INSIG2: variants seen among roughly 807,000 people sequenced by gnomAD.
INSIG2 encodes insulin-induced gene 2 protein.
INSIG2 carries 10 observed loss-of-function variants against 27.2 expected under a neutral mutation model. The observed-to-expected ratio is 0.37, with a 90% CI of 0.23 to 0.62. The LOEUF is 0.62. Among genes scored for constraint, INSIG2 ranks in the 20% least tolerant of loss-of-function variants. The pLI, the probability that INSIG2 is intolerant of heterozygous loss-of-function variation, is 0.65. For synonymous variants in INSIG2, 97 were observed against 95.8 expected, an observed-to-expected ratio of 1.01 and a Z score of -0.07; for missense variants, 178 against 270.2, an observed-to-expected ratio of 0.66 and a Z score of 2.39.
At chr2:118,090,729 T>A (rs747737578) in intron 1 of INSIG2, among the ~76,000 whole-genome samples, 10 of 152,178 alleles carry the variant, frequency 6.6e-5, no homozygotes, top group Non-Finnish European at 1.3e-4. Context: ...TTAAAAACGG[T>A]TTCTTGTGTG....
intron 3 of INSIG2, among the ~76,000 whole-genome samples, chr2:118,104,258 C>A (rs1678619943): frequency 6.6e-6 from 1 of 152,118 alleles, no homozygotes; most frequent in Non-Finnish European, 1.5e-5. Context: ...GAGGGTGGGT[C>A]ATGTGTCAAG....
At chr2:118,107,557 A>C (rs530737713) in intron 5 of INSIG2, among the ~76,000 whole-genome samples, 1 of 152,330 alleles carries the variant, frequency 6.6e-6, no homozygotes, top group Admixed American at 6.5e-5. Flanking sequence ...CATTAGGACC[A>C]CCTCTAACAA....
intron 3 of INSIG2, among the ~76,000 whole-genome samples, chr2:118,103,733 TAAAG>T (rs1033517819): frequency 1.2e-4 from 19 of 152,276 alleles, no homozygotes; most frequent in African/African-American, 4.6e-4. Flanking sequence ...TTTCTTAACT[TAAAG>T]AAGCTTTTTT....
intron 5 of INSIG2, among the ~76,000 whole-genome samples, chr2:118,108,058 C>T (rs544335020): frequency 4.6e-5 from 7 of 152,236 alleles, no homozygotes; most frequent in African/African-American, 1.7e-4. Context: ...TCATCTTTCT[C>T]TTGCTTTTGG....
chr2:118,090,255 C>G (rs1036462318), intron 1 of INSIG2, among the ~76,000 whole-genome samples: 1 of 152,154 alleles, frequency 6.6e-6, no homozygotes, highest in African/African-American at 2.4e-5. Flanking sequence ...AGTAAAAATA[C>G]TTCTTTTACG....
chr2:118,092,363 T>C (rs1295013428), intron 1 of INSIG2, among the ~76,000 whole-genome samples: 1 of 152,212 alleles, frequency 6.6e-6, no homozygotes, highest in Non-Finnish European at 1.5e-5. Flanking sequence ...TCTAGTACTA[T>C]TAAAGAAAAT....
intron 1 of INSIG2, among the ~76,000 whole-genome samples, chr2:118,089,734 AAG>A (rs138249452): frequency 0.018 from 2,677 of 152,320 alleles, 75 homozygotes; most frequent in African/African-American, 0.058. Context: ...CCACTCGGGA[AAG>A]AGGTTGATTC....
At chr2:118,090,133 G>C (rs1678190438) in intron 1 of INSIG2, among the ~76,000 whole-genome samples, 1 of 152,130 alleles carries the variant, frequency 6.6e-6, no homozygotes, top group Non-Finnish European at 1.5e-5. Flanking sequence ...TTTCAAGAAT[G>C]CTATTCTAAT....
At chr2:118,106,659 C>T in intron 3 of INSIG2, 78 bp from the exon 4 acceptor site, 1 of 1,122,700 alleles carries the variant, frequency 8.9e-7, no homozygotes, top group Non-Finnish European at 1.3e-6. Flanking sequence ...TCAACAGAGG[C>T]ATCTCTTATT....
At chr2:118,096,175 A>C (rs1678399517) in intron 1 of INSIG2, among the ~76,000 whole-genome samples, 1 of 152,158 alleles carries the variant, frequency 6.6e-6, no homozygotes, top group South Asian at 2.1e-4. Context: ...CAGGTCTCTT[A>C]GGTCATGTTT....
intron 2 of INSIG2, among the ~76,000 whole-genome samples, chr2:118,099,454 T>C (rs1053431707): frequency 3.9e-5 from 6 of 152,238 alleles, no homozygotes; most frequent in Non-Finnish European, 7.3e-5. Context: ...TGATGACTTT[T>C]TTTTCTTAAT....
intron 3 of INSIG2, among the ~76,000 whole-genome samples, chr2:118,104,140 G>A (rs1382913837): frequency 6.6e-6 from 1 of 152,122 alleles, no homozygotes; most frequent in Non-Finnish European, 1.5e-5. Flanking sequence ...AAGGTGGCAG[G>A]AGCCTTGGGT....
At chr2:118,100,606 C>G (rs1310391780) in intron 2 of INSIG2, among the ~76,000 whole-genome samples, 8 of 152,026 alleles carry the variant, frequency 5.3e-5, no homozygotes, top group African/African-American at 1.9e-4. Flanking sequence ...TCTCAAACTC[C>G]TGACCTCGCG....
chr2:118,103,024 CT>C (rs1678584406), intron 2 of INSIG2, among the ~76,000 whole-genome samples, 172 bp from the exon 3 acceptor site: 1 of 149,110 alleles, frequency 6.7e-6, no homozygotes, highest in Non-Finnish European at 1.5e-5. Context: ...ATTTCATTTC[CT>C]TTGGAAGGTA....
intron 1 of INSIG2, among the ~76,000 whole-genome samples, chr2:118,090,569 T>C (rs1259004854): frequency 6.6e-6 from 1 of 152,238 alleles, no homozygotes; most frequent in Non-Finnish European, 1.5e-5. Context: ...GCAAATTATT[T>C]CAACTTTTTT....
chr2:118,105,295 T>A, intron 3 of INSIG2, among the ~76,000 whole-genome samples: 1 of 152,130 alleles, frequency 6.6e-6, no homozygotes, highest in Non-Finnish European at 1.5e-5. Flanking sequence ...CCCACCTCGG[T>A]CTCTCAAAGT....
chr2:118,098,977 A>G (rs1388125845), intron 2 of INSIG2, among the ~76,000 whole-genome samples: 1 of 152,216 alleles, frequency 6.6e-6, no homozygotes, highest in Non-Finnish European at 1.5e-5. Flanking sequence ...TAGTTAAGTC[A>G]TGGTGTTTAG....
At chr2:118,094,013 TG>T (rs1678341124) in intron 1 of INSIG2, among the ~76,000 whole-genome samples, 3 of 16,610 alleles carry the variant, frequency 1.8e-4, no homozygotes, top group Non-Finnish European at 1.4e-4. Flanking sequence ...AGCAACCAGA[TG>T]ATGATGATGA....
At chr2:118,097,182 T>TTTTAA (rs1214459079) in intron 2 of INSIG2, among the ~76,000 whole-genome samples, 2 of 152,278 alleles carry the variant, frequency 1.3e-5, no homozygotes, top group Non-Finnish European at 2.9e-5. Flanking sequence ...ATTCTATCTG[T>TTTTAA]CCTGTAAACT....
Sources: gnomAD v4.1 joint callset for allele counts (sites outside exome capture counted in the v4.1 genomes callset) on GRCh38, gnomAD v4.1.1 for gene constraint, MANE v1.5 for transcripts, NCBI Gene and HGNC (gene_info 2026-07-23, HGNC 2026-07-21) for gene names.